PLPPR1: variants seen among roughly 807,000 people sequenced by gnomAD.
PLPPR1 encodes the protein phospholipid phosphatase-related protein type 1.
PLPPR1 carries 10 observed loss-of-function variants against 33.1 expected under a neutral mutation model. The observed-to-expected ratio is 0.30, with a 90% CI of 0.19 to 0.51. PLPPR1 has a LOEUF of 0.51. Ranked by LOEUF, PLPPR1 falls within the 20% of genes least tolerant of loss-of-function variation. The probability of loss-of-function intolerance (pLI) is 0.97; values close to 1 mark genes in which losing one functional copy is unlikely to be tolerated. For missense variants in PLPPR1, 304 were observed against 408.1 expected, an observed-to-expected ratio of 0.74 and a Z score of 2.20; for synonymous variants, 151 against 151.0, an observed-to-expected ratio of 1.00 and a Z score of 0.00.
At chr9:101,253,972 T>A (rs1306330576) in intron 2 of PLPPR1, among the ~76,000 whole-genome samples, 4 of 152,110 alleles carry the variant, frequency 2.6e-5, no homozygotes, top group Non-Finnish European at 5.9e-5. Flanking sequence ...TTTCACTTAA[T>A]GGTTTTAAGC....
chr9:101,285,576 C>T (rs1300447081), intron 3 of PLPPR1, among the ~76,000 whole-genome samples: 2 of 152,132 alleles, frequency 1.3e-5, no homozygotes, highest in Non-Finnish European at 2.9e-5. Flanking sequence ...AAACAACATG[C>T]TATATAACAA....
intron 2 of PLPPR1, among the ~76,000 whole-genome samples, chr9:101,193,900 A>G (rs1734697098): frequency 6.6e-6 from 1 of 152,214 alleles, no homozygotes; most frequent in Admixed American, 6.5e-5. Context: ...CACATTCAGG[A>G]AGTCAACTTT....
At chr9:101,257,635 G>A (rs1827826115) in intron 2 of PLPPR1, among the ~76,000 whole-genome samples, 1 of 152,038 alleles carries the variant, frequency 6.6e-6, no homozygotes, top group South Asian at 2.1e-4. Context: ...CCACTTCTGG[G>A]TTCTTCTTTA....
At chr9:101,310,743 CA>C (rs1192334347) in intron 5 of PLPPR1, among the ~76,000 whole-genome samples, 1 of 152,128 alleles carries the variant, frequency 6.6e-6, no homozygotes, top group Non-Finnish European at 1.5e-5. Context: ...TTAAAACAAC[CA>C]GGAGCAGATA....
chr9:101,048,974 A>G (rs908581205), intron 1 of PLPPR1, among the ~76,000 whole-genome samples: 3 of 152,242 alleles, frequency 2.0e-5, no homozygotes, highest in African/African-American at 4.8e-5. Context: ...CAAATAGTCA[A>G]TATCACATCA....
Position 101,118,739 on chromosome 9 carries a change from C to G in PLPPR1, c.-45-66711C>G, listed in dbSNP as rs187339927. ...AATGCTTCACCTTATCCCCACAGTC[C>G]TAATTAATTGTCTTTGCTTCTCATT... On this transcript the variant is annotated intron_variant, in intron 1 of 7. Transcript: ENST00000374874. 9.2e-5 allele frequency among the ~76,000 whole-genome samples: 14 copies of G among 152,318 alleles called. No individual in the cohort carries two copies. The East Asian group carries it at 2.5e-3, about 27-fold the overall frequency.
intron 1 of PLPPR1, among the ~76,000 whole-genome samples, chr9:101,098,561 TGGAGCCCCA>T (rs1830851745): frequency 6.6e-6 from 1 of 152,068 alleles, no homozygotes; most frequent in Non-Finnish European, 1.5e-5. Flanking sequence ...GCTAAAGATG[TGGAGCCCCA>T]GGGGTCATCA....
intron 2 of PLPPR1, among the ~76,000 whole-genome samples, chr9:101,265,976 A>G (rs1470388911): frequency 6.6e-6 from 1 of 152,006 alleles, no homozygotes; most frequent in African/African-American, 2.4e-5. Context: ...AGCCTGGGCG[A>G]CAGTGCGAGA....
intron 4 of PLPPR1, among the ~76,000 whole-genome samples, chr9:101,291,852 A>T (rs542779971): frequency 6.6e-6 from 1 of 152,324 alleles, no homozygotes; most frequent in Non-Finnish European, 1.5e-5. Flanking sequence ...AAAACAGAAC[A>T]GAAAAACTGG....
At chr9:101,064,716 A>T (rs1000208300) in intron 1 of PLPPR1, among the ~76,000 whole-genome samples, 1 of 152,028 alleles carries the variant, frequency 6.6e-6, no homozygotes, top group African/African-American at 2.4e-5. Context: ...AATTTATAAA[A>T]AATGTATTTC....
At chr9:101,254,274 G>A (rs182217250) in intron 2 of PLPPR1, among the ~76,000 whole-genome samples, 1 of 152,152 alleles carries the variant, frequency 6.6e-6, no homozygotes, top group East Asian at 1.9e-4. Context: ...TCCATCTAGG[G>A]GTGATAGGAA....
chr9:101,269,764 GCCAATA>G (rs1223007723), intron 2 of PLPPR1, 110 bp from the exon 3 acceptor site: 4 of 973,136 alleles, frequency 4.1e-6, no homozygotes, highest in Non-Finnish European at 6.5e-6. Context: ...GCACACACTC[GCCAATA>G]CCAATATCAG....
At chr9:101,034,033 C>T (rs573567933) in intron 1 of PLPPR1, among the ~76,000 whole-genome samples, 1 of 113,394 alleles carries the variant, frequency 8.8e-6, no homozygotes, top group Non-Finnish European at 1.8e-5. Context: ...TCAGAGAGTT[C>T]AGTGGGGAAT....
chr9:101,247,990 A>C lies in PLPPR1; in HGVS notation c.64-21890A>C, dbSNP rs138891539. On this transcript the variant is annotated intron_variant, in intron 2 of 7. Coordinates refer to ENST00000374874, the MANE Select transcript of PLPPR1 (RefSeq NM_207299.2). ...AAATAAATAAACTCTGTTCAGGAAA[A>C]GGGTGGCCTAAGACTGGGTGAGCTC... 1.3e-4 allele frequency among the ~76,000 whole-genome samples: 20 copies of C among 152,130 alleles called. No homozygotes were observed. The East Asian group carries it at 2.5e-3, about 19-fold the overall frequency.
intron 3 of PLPPR1, among the ~76,000 whole-genome samples, chr9:101,270,534 A>G (rs1828077780): frequency 6.6e-6 from 1 of 152,180 alleles, no homozygotes; most frequent in Non-Finnish European, 1.5e-5. Flanking sequence ...AGATGAGAGA[A>G]ATTGCTTAAC....
At chr9:101,258,810 T>C (rs1275103276) in intron 2 of PLPPR1, among the ~76,000 whole-genome samples, 2 of 152,158 alleles carry the variant, frequency 1.3e-5, no homozygotes, top group African/African-American at 4.8e-5. Context: ...ATCCTTGCAA[T>C]TATTGACTAT....
intron 2 of PLPPR1, among the ~76,000 whole-genome samples, chr9:101,205,883 A>G (rs1826579770): frequency 6.6e-6 from 1 of 152,176 alleles, no homozygotes; most frequent in Admixed American, 6.5e-5. Context: ...TAAAGCAAAG[A>G]GGTGCTGCTT....
At chr9:101,232,144 C>A (rs1827199276) in intron 2 of PLPPR1, among the ~76,000 whole-genome samples, 1 of 151,996 alleles carries the variant, frequency 6.6e-6, no homozygotes, top group Non-Finnish European at 1.5e-5. Context: ...GGAAGTTGAA[C>A]TGATTTGTGG....
chr9:101,289,691 C>G (rs920428245), intron 4 of PLPPR1, among the ~76,000 whole-genome samples: 3 of 152,214 alleles, frequency 2.0e-5, no homozygotes, highest in Non-Finnish European at 2.9e-5. Flanking sequence ...CCACTGCCAT[C>G]TATGTATGAT....
Sources: gnomAD v4.1 joint callset for allele counts (sites outside exome capture counted in the v4.1 genomes callset) on GRCh38, gnomAD v4.1.1 for gene constraint, MANE v1.5 for transcripts, NCBI Gene and HGNC (gene_info 2026-07-23, HGNC 2026-07-21) for gene names.